The following CAPN8 variants were observed in gnomAD, a reference collection of about 807,000 sequenced individuals.
The protein encoded by CAPN8 is calpain-8.
CAPN8 carries 87 observed loss-of-function variants against 80.9 expected under a neutral mutation model. That is an observed-to-expected ratio of 1.07 (90% CI 0.90 to 1.28). The LOEUF (loss-of-function observed/expected upper bound fraction) is 1.28, where lower values mean the gene tolerates loss of function less well. Among genes scored for constraint, CAPN8 ranks in the 50% most tolerant of loss-of-function variants. The pLI is 0.00. For missense variants in CAPN8, 757 were observed against 702.0 expected, an observed-to-expected ratio of 1.08 and a Z score of -0.89; for synonymous variants, 299 against 273.8, an observed-to-expected ratio of 1.09 and a Z score of -0.91.
intron 1 of CAPN8, among the ~76,000 whole-genome samples, chr1:223,658,082 T>G (rs1658547053): frequency 1.3e-5 from 2 of 152,146 alleles, no homozygotes; most frequent in African/African-American, 4.8e-5. Flanking sequence ...CCTCTGAGAT[T>G]ATCCCATTTC....
chr1:223,548,840 A>G (rs978795060), intron 16 of CAPN8, among the ~76,000 whole-genome samples: 1 of 151,770 alleles, frequency 6.6e-6, no homozygotes, highest in Non-Finnish European at 1.5e-5. Flanking sequence ...TTGTGTGATA[A>G]CTCTAAACTA....
intron 13 of CAPN8, among the ~76,000 whole-genome samples, chr1:223,554,580 C>T (rs1174801448): frequency 6.7e-6 from 1 of 149,436 alleles, no homozygotes; most frequent in African/African-American, 2.5e-5. Context: ...AAAGCGAGAC[C>T]TTATATCAGA....
intron 18 of CAPN8, 63 bp from the exon 19 acceptor site, chr1:223,544,246 C>T: frequency 2.8e-6 from 2 of 703,318 alleles, no homozygotes; most frequent in South Asian, 3.0e-5. Flanking sequence ...CTCCCATAAA[C>T]ACTCAAGGAG....
At chr1:223,550,908 C>G in intron 15 of CAPN8, 52 bp downstream of exon 15, 1 of 711,332 alleles carries the variant, frequency 1.4e-6, no homozygotes, top group South Asian at 1.5e-5. Context: ...ATCCCTCACC[C>G]TGCCCCAGCA....
intron 2 of CAPN8, among the ~76,000 whole-genome samples, chr1:223,630,299 G>C (rs1191284852): frequency 6.8e-6 from 1 of 146,942 alleles, no homozygotes; most frequent in Non-Finnish European, 1.5e-5. Context: ...CCGCTCACTC[G>C]CTCTCTCTCT....
chr1:223,639,143 G>A (rs1029102172), intron 2 of CAPN8, among the ~76,000 whole-genome samples: 2 of 152,160 alleles, frequency 1.3e-5, no homozygotes, highest in African/African-American at 4.8e-5. Context: ...GGGAGGCTGA[G>A]GCAGGAGAAT....
At position 223,614,378 on chromosome 1, in the gene CAPN8, C is replaced by T. The variant is rs373571386; in HGVS notation, c.1311+1592G>A. ...TCACAGCACTGCACTCCAGCCTGGG[C>T]GACATAGTGAGAGTCCGTCTCAAAA... On this transcript the variant is annotated intron_variant, in intron 10 of 20. Coordinates refer to ENST00000366872, the MANE Select transcript of CAPN8 (RefSeq NM_001143962.2). Among the ~76,000 whole-genome samples the T allele has an allele frequency of 6.5e-4, 95 of 147,012 alleles. No homozygotes were observed. The Middle Eastern group carries it at 0.017, about 27-fold the overall frequency.
In CAPN8 at chr1:223,665,686, C is replaced by T. The variant is rs1314556252; in HGVS notation, c.-40G>A. The T allele has an allele frequency of 1.5e-5, 23 of 1,487,002 alleles. No homozygotes were observed. The highest frequency in any genetic ancestry group is 2.1e-5 in the Non-Finnish European group (23 of 1,090,796). 92.1% of individuals were successfully genotyped at this position (1,487,002 alleles called of 1,614,324 possible). The stretch of plus-strand genomic sequence containing the variant: ...TAGGGTGGACAGAAGGGCAGGGCTG[C>T]ACTGTACTCTCAGACACCTGCTCCA... On this transcript the variant is annotated 5_prime_UTR_variant, in exon 1 of 21. Transcript: ENST00000366872.
At chr1:223,621,494 T>A (rs1657391370) in intron 7 of CAPN8, among the ~76,000 whole-genome samples, 1 of 152,188 alleles carries the variant, frequency 6.6e-6, no homozygotes, top group East Asian at 1.9e-4. Flanking sequence ...TTGGTAAGAA[T>A]GGCCCACATT....
intron 1 of CAPN8, among the ~76,000 whole-genome samples, chr1:223,661,663 A>G (rs1453680221): frequency 6.6e-6 from 1 of 152,128 alleles, no homozygotes; most frequent in Non-Finnish European, 1.5e-5. Flanking sequence ...AAAGAAAATA[A>G]CAAACATTGG....
chr1:223,557,978 C>G (rs1053120156), intron 13 of CAPN8, among the ~76,000 whole-genome samples, 153 bp downstream of exon 13: 64 of 152,296 alleles, frequency 4.2e-4, no homozygotes, highest in Non-Finnish European at 6.5e-4. Flanking sequence ...GTCTCATCTT[C>G]ATCAGGAAGA....
chr1:223,627,262 A>G (rs79555212), intron 4 of CAPN8, 105 bp from the exon 5 acceptor site: 19,103 of 1,299,792 alleles, frequency 0.015, 1,009 homozygotes, highest in East Asian at 0.13. Flanking sequence ...TGGAAGATAA[A>G]GGAAGGCTCT....
intron 2 of CAPN8, among the ~76,000 whole-genome samples, chr1:223,641,349 C>A (rs1266901291): frequency 7.9e-6 from 1 of 127,154 alleles, no homozygotes; most frequent in African/African-American, 3.0e-5. Flanking sequence ...AAGTAAGATA[C>A]TGATCAAGCC....
At chr1:223,662,791 AAATAAT>A (rs1398629493) in intron 1 of CAPN8, among the ~76,000 whole-genome samples, 5 of 152,208 alleles carry the variant, frequency 3.3e-5, no homozygotes, top group Non-Finnish European at 1.5e-5. Context: ...TGGGAGGAAA[AAATAAT>A]AATGAAGCAT....
chr1:223,544,438 C>CA (rs1218954236), intron 18 of CAPN8, among the ~76,000 whole-genome samples: 2 of 152,154 alleles, frequency 1.3e-5, no homozygotes, highest in African/African-American at 4.8e-5. Flanking sequence ...AGCCATGGGT[C>CA]ACATCAGCAA....
chr1:223,549,645 C>A, intron 15 of CAPN8: 2 of 599,726 alleles, frequency 3.3e-6, no homozygotes, highest in Non-Finnish European at 6.0e-6. Context: ...CCACAGACTT[C>A]AGCAAATTAA....
intron 2 of CAPN8, among the ~76,000 whole-genome samples, chr1:223,629,619 C>CTTAG (rs1020588872): frequency 6.6e-6 from 1 of 152,218 alleles, no homozygotes; most frequent in Non-Finnish European, 1.5e-5. Context: ...CACTGCCTAC[C>CTTAG]TTAGCATCCT....
chr1:223,547,224 T>A (rs1656647897), intron 16 of CAPN8, among the ~76,000 whole-genome samples: 1 of 152,146 alleles, frequency 6.6e-6, no homozygotes, highest in Non-Finnish European at 1.5e-5. Flanking sequence ...TTTTTAAAAT[T>A]TTTTTTCTAG....
intron 1 of CAPN8, among the ~76,000 whole-genome samples, chr1:223,659,395 A>G (rs1321051823): frequency 6.6e-6 from 1 of 152,074 alleles, no homozygotes; most frequent in Non-Finnish European, 1.5e-5. Context: ...GCCCCACTGG[A>G]TGTTTCCAGC....
Sources: allele counts gnomAD v4.1 joint callset (sites outside exome capture counted in the v4.1 genomes callset), GRCh38; gene constraint gnomAD v4.1.1; transcripts MANE v1.5; gene names NCBI Gene and HGNC (gene_info 2026-07-23, HGNC 2026-07-21).